The following PARD3 variants were observed in gnomAD, a reference collection of about 807,000 sequenced individuals.
PARD3 encodes the protein par-3 family cell polarity regulator.
Under a neutral mutation model 155.4 loss-of-function variants are expected in PARD3, and 75 were observed. The ratio of observed to expected loss-of-function variants is 0.48; its 90% confidence interval spans 0.40 to 0.58. The LOEUF (loss-of-function observed/expected upper bound fraction) is 0.58, where lower values mean the gene tolerates loss of function less well. Among genes scored for constraint, PARD3 ranks in the 20% least tolerant of loss-of-function variants. The pLI, the probability that PARD3 is intolerant of heterozygous loss-of-function variation, is 0.00. For synonymous variants in PARD3, 576 were observed against 610.5 expected (o/e 0.94, Z 0.83); for missense variants, 1,642 against 1,721.7 (o/e 0.95, Z 0.82).
In PARD3 at chr10:34,438,658, T is replaced by C. The variant is rs139670775; in HGVS notation, c.714+11659A>G. Among the ~76,000 whole-genome samples the C allele has an allele frequency of 1.2e-3, 187 of 152,204 alleles. 1 individual carries two copies. The highest frequency in any genetic ancestry group is 6.6e-3 in the South Asian group (32 of 4,822). On this transcript the variant is annotated intron_variant, in intron 5 of 24. Coordinates refer to ENST00000374788, the MANE Select transcript of PARD3 (RefSeq NM_001184785.2). ...GTATATAAGGGTTCACTAGGAGCTA[T>C]AGTAAACAAGACAATGCCTGGGCCA...
At chr10:34,719,528 C>A (rs552291798) in intron 1 of PARD3, among the ~76,000 whole-genome samples, 1 of 152,100 alleles carries the variant, frequency 6.6e-6, no homozygotes, top group African/African-American at 2.4e-5. Flanking sequence ...CAAGACTAGA[C>A]AAGGAAAACA....
chr10:34,468,223 T>A (rs2078127663), intron 4 of PARD3, among the ~76,000 whole-genome samples: 1 of 152,214 alleles, frequency 6.6e-6, no homozygotes, highest in Non-Finnish European at 1.5e-5. Flanking sequence ...CAGGACCACC[T>A]AGGACCTGCT....
chr10:34,435,763 A>G (rs1351904273), intron 5 of PARD3, among the ~76,000 whole-genome samples: 2 of 152,262 alleles, frequency 1.3e-5, no homozygotes, highest in Admixed American at 6.5e-5. Context: ...TTAACACAGA[A>G]GTAAATTACA....
intron 1 of PARD3, among the ~76,000 whole-genome samples, chr10:34,745,755 G>A (rs893572357): frequency 2.0e-5 from 3 of 151,994 alleles, no homozygotes; most frequent in Admixed American, 6.6e-5. Context: ...CCATGATCAC[G>A]CCACTATAGT....
At chr10:34,673,961 G>A (rs2093652888) in intron 2 of PARD3, among the ~76,000 whole-genome samples, 2 of 146,256 alleles carry the variant, frequency 1.4e-5, no homozygotes, top group African/African-American at 2.5e-5. Context: ...CTCCAGCATG[G>A]AAGACAGAGC....
chr10:34,423,744 A>G (rs967498618), intron 5 of PARD3, among the ~76,000 whole-genome samples: 4 of 152,182 alleles, frequency 2.6e-5, no homozygotes, highest in Non-Finnish European at 5.9e-5. Flanking sequence ...TGTTATTACT[A>G]TTATCAAAAT....
At chr10:34,705,653 A>G (rs569200574) in intron 1 of PARD3, among the ~76,000 whole-genome samples, 2 of 152,294 alleles carry the variant, frequency 1.3e-5, no homozygotes, top group Middle Eastern at 3.4e-3. Flanking sequence ...CAACAACAAA[A>G]TAATGACCTG....
intron 22 of PARD3, among the ~76,000 whole-genome samples, chr10:34,230,086 C>G (rs1424860203): frequency 6.6e-6 from 1 of 152,132 alleles, no homozygotes. Context: ...ATAACCTTTC[C>G]TTGCCCAGCT....
At chr10:34,300,646 A>G (rs1217380607) in intron 20 of PARD3, among the ~76,000 whole-genome samples, 14 of 146,062 alleles carry the variant, frequency 9.6e-5, no homozygotes, top group Non-Finnish European at 1.5e-5. Context: ...AAAAAAAAAA[A>G]TGGCAGGGCT....
rs1253949314 is a variant in PARD3 at position 34,171,676 on chromosome 10, C to A, written c.3420-40093G>T. On this transcript the variant is annotated intron_variant, in intron 22 of 24. Coordinates refer to ENST00000374788, the MANE Select transcript of PARD3 (RefSeq NM_001184785.2). ...AGATTCAGAGTCCTCAGGCCAGGTG[C>A]GGTGGCTCACACCTGTAATCCCAGC... is the stretch of plus-strand genomic sequence containing the variant. 2.0e-5 allele frequency among the ~76,000 whole-genome samples: 3 copies of A among 151,876 alleles called. No individual in the cohort carries two copies. In the East Asian group the frequency reaches 5.8e-4, roughly 29 times the overall value.
chr10:34,565,500 C>T (rs1341911545), intron 2 of PARD3, among the ~76,000 whole-genome samples: 1 of 151,854 alleles, frequency 6.6e-6, no homozygotes, highest in African/African-American at 2.4e-5. Context: ...CTCCTGACCT[C>T]AAGTGATCCG....
In PARD3 at chr10:34,596,428, G is replaced by C. The variant is rs1055827310; in HGVS notation, c.223-79269C>G. Among the ~76,000 whole-genome samples, 32 of 152,254 alleles carry C rather than the reference G, an allele frequency of 2.1e-4. 1 individual carries two copies. The highest frequency in any genetic ancestry group is 1.9e-3 in the Admixed American group (29 of 15,284). ...CGACTCACAATTCCACACGGCTAGG[G>C]AGGACTCAGCAAGCTTACAATCATG... On this transcript the variant is annotated intron_variant, in intron 2 of 24. Coordinates refer to ENST00000374788, the MANE Select transcript of PARD3 (RefSeq NM_001184785.2).
chr10:34,334,616 CT>C (rs1835961060), intron 18 of PARD3, among the ~76,000 whole-genome samples: 1 of 151,224 alleles, frequency 6.6e-6, no homozygotes, highest in South Asian at 2.1e-4. Context: ...AAAATATCTA[CT>C]TTAGGTATTT....
Position 34,111,057 on chromosome 10 carries a change from C to G in PARD3, c.*112G>C. 8.2e-7 allele frequency: 1 copy of G among 1,222,208 alleles called. No individual in the cohort carries two copies. The allele number at this position is 1,222,208 out of a possible 1,614,324, so 75.7% of individuals were successfully genotyped here. A position where few individuals can be genotyped will look rare whatever the true frequency, so the allele number is the denominator to read the frequency against. On this transcript the variant is annotated 3_prime_UTR_variant, in exon 25 of 25. Transcript: ENST00000374788. ...CACCGCTTAAAGGCACTGATACCAACAACAGAAATACTCCATAGTACCATC... is the reference window on the plus strand; with the variant it reads ...CACCGCTTAAAGGCACTGATACCAAGAACAGAAATACTCCATAGTACCATC...
chr10:34,259,561 G>A (rs955004347), intron 22 of PARD3, among the ~76,000 whole-genome samples: 10 of 152,096 alleles, frequency 6.6e-5, no homozygotes, highest in African/African-American at 2.4e-4. Context: ...GATAATCCAG[G>A]AAAACCTCCC....
chr10:34,381,900 A>C (rs1841870123), intron 9 of PARD3, among the ~76,000 whole-genome samples: 1 of 144,020 alleles, frequency 6.9e-6, no homozygotes. Context: ...GCAACAAAGA[A>C]AGGCCCTGTC....
intron 2 of PARD3, among the ~76,000 whole-genome samples, chr10:34,542,432 A>G (rs1242031634): frequency 6.6e-6 from 1 of 152,132 alleles, no homozygotes; most frequent in Non-Finnish European, 1.5e-5. Flanking sequence ...AAACTGCAAA[A>G]CATCCTCAAT....
At chr10:34,566,639 C>G (rs1204303384) in intron 2 of PARD3, among the ~76,000 whole-genome samples, 2 of 152,170 alleles carry the variant, frequency 1.3e-5, no homozygotes, top group African/African-American at 4.8e-5. Flanking sequence ...AGTTTTTTCT[C>G]TTACCTAAAT....
chr10:34,578,031 T>A (rs2087048353), intron 2 of PARD3, among the ~76,000 whole-genome samples: 1 of 149,078 alleles, frequency 6.7e-6, no homozygotes, highest in South Asian at 2.2e-4. Flanking sequence ...GCGGCTATGT[T>A]TTTTTGTTTT....
Sources: allele counts gnomAD v4.1 joint callset (sites outside exome capture counted in the v4.1 genomes callset), GRCh38; gene constraint gnomAD v4.1.1; transcripts MANE v1.5; gene names NCBI Gene and HGNC (gene_info 2026-07-23, HGNC 2026-07-21).